The following TRPC3 variants were observed in gnomAD, a reference collection of about 807,000 sequenced individuals.
TRPC3 encodes the protein transient receptor potential cation channel subfamily C member 3, also known as short transient receptor potential channel 3.
A neutral mutation model predicts 90.9 loss-of-function variants in TRPC3; 54 were observed. That is an observed-to-expected ratio of 0.59 (90% confidence interval 0.48 to 0.75). The LOEUF (loss-of-function observed/expected upper bound fraction) is 0.75. Ranked by LOEUF, TRPC3 falls within the 30% of genes least tolerant of loss-of-function variation. TRPC3 has a pLI of 0.00. For missense variants in TRPC3, 918 were observed against 1,194.5 expected (o/e 0.77, Z 3.41); for synonymous variants, 424 against 450.9 (o/e 0.94, Z 0.75).
intron 8 of TRPC3, among the ~76,000 whole-genome samples, chr4:121,903,528 G>A (rs549455251): frequency 3.9e-5 from 6 of 152,038 alleles, no homozygotes; most frequent in Non-Finnish European, 7.4e-5. Context: ...ATTGCTTTTC[G>A]GCATTTCTGT....
In TRPC3 at chr4:121,879,816, T is replaced by C. The variant is rs142202711; in HGVS notation, c.2686A>G (p.Ser896Gly). 1.7e-3 allele frequency: 2,795 copies of C among 1,608,510 alleles called. 93 individuals carry two copies. The Admixed American group carries it at 0.043, about 25-fold the overall frequency. Residue 896 changes from serine (S) to glycine (G), a missense_variant, in exon 12 of 12, where the codon AGC (serine) becomes GGC (glycine). Transcript: ENST00000379645. Reference protein sequence around the residue: ...SLRYELLEDKSQATEELAILI... With the variant: ...SLRYELLEDKGQATEELAILI... The stretch of plus-strand genomic sequence containing the variant: ...ATGGCTAATTCCTCAGTTGCTTGGC[T>C]CTTGTCTTCCAAAAGTTCATAACGA...
intron 10 of TRPC3, among the ~76,000 whole-genome samples, chr4:121,889,086 G>T (rs1425249672): frequency 6.6e-6 from 1 of 152,110 alleles, no homozygotes; most frequent in African/African-American, 2.4e-5. Flanking sequence ...TGGGAAAACT[G>T]GACATCCACA....
rs1352193957 is a variant in TRPC3, at chr4:121,932,410, T to A, written c.848A>T (p.His283Leu). The A allele has an allele frequency of 6.2e-7, 1 of 1,613,924 alleles. No individual in the cohort carries two copies. Among genetic ancestry groups the A allele is most frequent in the East Asian group, 2.2e-5 (1 of 44,868 alleles). Reference sequence around the variant, plus strand: ...GTAGGCATTGATCCTCGAGCGTGAGTGGCTGAAGGAGTCGTGCCTCTGCTT... The same window carrying A: ...GTAGGCATTGATCCTCGAGCGTGAGAGGCTGAAGGAGTCGTGCCTCTGCTT... ...MEKQRHDSFS[H>L]SRSRINAYKG... Residue 283 changes from histidine to leucine, a missense_variant, in exon 2 of 12, where the codon CAC becomes CTC. Around this residue, in one of 4 missense-constraint regions of TRPC3, gnomAD observed 609 missense variants for 725.9 expected, o/e 0.84. Coordinates refer to ENST00000379645, the MANE Select transcript of TRPC3 (RefSeq NM_001130698.2). The surrounding 1 kb of genome is among the most constrained non-coding windows in gnomAD (Gnocchi z 7.7).
chr4:121,942,688 C>T (rs1418228532), intron 1 of TRPC3, among the ~76,000 whole-genome samples: 1 of 152,200 alleles, frequency 6.6e-6, no homozygotes, highest in African/African-American at 2.4e-5. Context: ...GAGAGGAACC[C>T]TGGTCTATCT....
At chr4:121,924,385 T>C (rs1447548845) in intron 3 of TRPC3, among the ~76,000 whole-genome samples, 1 of 152,170 alleles carries the variant, frequency 6.6e-6, no homozygotes, top group African/African-American at 2.4e-5. Context: ...ATAAGAGATA[T>C]TATCCTCCTT....
At chr4:121,929,715 A>G (rs1292692549) in intron 2 of TRPC3, among the ~76,000 whole-genome samples, 1 of 152,162 alleles carries the variant, frequency 6.6e-6, no homozygotes, top group African/African-American at 2.4e-5. Flanking sequence ...AAGAAATGTG[A>G]AAACTGCAGA....
intron 11 of TRPC3, among the ~76,000 whole-genome samples, chr4:121,880,130 G>C (rs1727891459): frequency 6.6e-6 from 1 of 151,936 alleles, no homozygotes; most frequent in South Asian, 2.1e-4. Flanking sequence ...TCCTTTTGTT[G>C]ACCTACATTT....
chr4:121,907,406 T>G lies in TRPC3; in HGVS notation c.1954A>C (p.Lys652Gln). The change falls in exon 7 of 12, where the codon AAG becomes CAG. Residue 652 changes from lysine (K) to glutamine (Q), a missense_variant. Lys to Gln is a moderately conservative substitution (Grantham distance 53). Transcript: ENST00000379645. Reference protein sequence around the residue: ...SLGRTVKDIFKFMVLFIMVFF... With the variant: ...SLGRTVKDIFQFMVLFIMVFF... ...ACCATAATAAAGAGGACCATGAACT[T>G]GAATATGTCCTTTACAGTCCTTCCA... The G allele has an allele frequency of 6.2e-7, 1 of 1,613,420 alleles. No individual in the cohort carries two copies. Among genetic ancestry groups the G allele is most frequent in the Non-Finnish European group, 8.5e-7 (1 of 1,179,546 alleles).
chr4:121,881,295 T>A (rs1413109686), intron 11 of TRPC3, among the ~76,000 whole-genome samples: 4 of 152,162 alleles, frequency 2.6e-5, no homozygotes, highest in Non-Finnish European at 5.9e-5. Context: ...AAACTCCAAA[T>A]TCTCATTGAT....
At chr4:121,913,614 CT>C (rs1414521359) in intron 4 of TRPC3, among the ~76,000 whole-genome samples, 1 of 152,170 alleles carries the variant, frequency 6.6e-6, no homozygotes, top group African/African-American at 2.4e-5. Flanking sequence ...AACTCATTTC[CT>C]TCAGAAAAGA....
At chr4:121,886,325 C>T (rs770870138) in intron 10 of TRPC3, among the ~76,000 whole-genome samples, 4 of 151,938 alleles carry the variant, frequency 2.6e-5, no homozygotes, top group African/African-American at 4.8e-5. Context: ...TGAATTTTAA[C>T]AATCTAAAAA....
chr4:121,921,895 C>G (rs935076952), intron 3 of TRPC3, among the ~76,000 whole-genome samples: 1 of 149,316 alleles, frequency 6.7e-6, no homozygotes, highest in Non-Finnish European at 1.5e-5. Context: ...ACGAAGGAAG[C>G]CTTTGTTTTT....
intron 10 of TRPC3, among the ~76,000 whole-genome samples, chr4:121,884,644 A>G (rs909248170): frequency 1.3e-5 from 2 of 152,236 alleles, no homozygotes; most frequent in Admixed American, 6.5e-5. Context: ...TCAAAATGTT[A>G]TGCAGAGAAT....
At chr4:121,909,688 C>T (rs1428664384) in intron 6 of TRPC3, among the ~76,000 whole-genome samples, 1 of 152,136 alleles carries the variant, frequency 6.6e-6, no homozygotes, top group African/African-American at 2.4e-5. Flanking sequence ...CTCACGGTCA[C>T]TTTAGAACCT....
At chr4:121,910,464 G>T in intron 5 of TRPC3, 77 bp from the exon 6 acceptor site, 1 of 1,141,312 alleles carries the variant, frequency 8.8e-7, no homozygotes, top group Non-Finnish European at 1.3e-6. Context: ...TCCACCATCA[G>T]GTCACATCTC....
chr4:121,949,613 T>C (rs1382258886), intron 1 of TRPC3, among the ~76,000 whole-genome samples: 3 of 152,196 alleles, frequency 2.0e-5, no homozygotes, highest in Non-Finnish European at 4.4e-5. Context: ...GTCTCCGATG[T>C]TACCAAGTGA....
At chr4:121,906,837 G>T (rs903342908) in intron 7 of TRPC3, among the ~76,000 whole-genome samples, 5 of 151,994 alleles carry the variant, frequency 3.3e-5, no homozygotes, top group Non-Finnish European at 7.4e-5. Flanking sequence ...AAACCAGTAT[G>T]GCCAAAGGAA....
chr4:121,944,200 C>T (rs917272830), intron 1 of TRPC3, among the ~76,000 whole-genome samples: 1 of 152,072 alleles, frequency 6.6e-6, no homozygotes, highest in African/African-American at 2.4e-5. Context: ...GGTTGAGAAG[C>T]AAGACTTCTG....
chr4:121,929,109 T>C (rs1729810358), intron 2 of TRPC3, among the ~76,000 whole-genome samples: 1 of 152,214 alleles, frequency 6.6e-6, no homozygotes, highest in South Asian at 2.1e-4. Flanking sequence ...AGTGCTTCAA[T>C]ATTACCAGGT....
Sources: gnomAD v4.1 joint callset for allele counts (sites outside exome capture counted in the v4.1 genomes callset) on GRCh38, gnomAD v4.1.1 for gene constraint, gnomAD v4.1.1 regional missense constraint, Gnocchi (gnomAD v3.1) non-coding constraint, MANE v1.5 for transcripts, NCBI Gene and HGNC (gene_info 2026-07-23, HGNC 2026-07-21) for gene names.